The following IFT80 variants were observed in gnomAD, a reference collection of about 807,000 sequenced individuals.
IFT80 encodes intraflagellar transport 80.
A neutral mutation model predicts 107.9 loss-of-function variants in IFT80; 79 were observed. That is an observed-to-expected ratio of 0.73 (90% CI 0.61 to 0.88). IFT80 has a LOEUF of 0.88. Ranked by LOEUF, IFT80 falls within the 40% of genes least tolerant of loss-of-function variation. The pLI is 0.00. For missense variants in IFT80, 797 were observed against 914.2 expected (o/e 0.87, Z 1.65); for synonymous variants, 299 against 300.9 (o/e 0.99, Z 0.07).
chr3:160,359,012 C>A (rs1021237483), intron 6 of IFT80, among the ~76,000 whole-genome samples: 4 of 152,100 alleles, frequency 2.6e-5, no homozygotes, highest in African/African-American at 9.7e-5. Flanking sequence ...GTTGAGAAGG[C>A]CTTAAAAGAC....
At chr3:160,383,099 A>T (rs1559972332) in intron 2 of IFT80, among the ~76,000 whole-genome samples, 1 of 152,234 alleles carries the variant, frequency 6.6e-6, no homozygotes, top group Non-Finnish European at 1.5e-5. Context: ...TACACATCTC[A>T]AACCAAAAAT....
At chr3:160,357,995 CTTAT>C (rs142057545) in intron 6 of IFT80, among the ~76,000 whole-genome samples, 6,869 of 152,000 alleles carry the variant, frequency 0.045, 217 homozygotes, top group Middle Eastern at 0.078. Context: ...TGCTTGTTTA[CTTAT>C]TTATTTTATT....
In IFT80 at chr3:160,300,336, G is replaced by A. The variant is rs142395872; in HGVS notation, c.1315+547C>T. 2.7e-3 allele frequency among the ~76,000 whole-genome samples: 408 copies of A among 152,016 alleles called. 2 individuals carry two copies. Among genetic ancestry groups the A allele is most frequent in the South Asian group, 0.015 (72 of 4,820 alleles). On this transcript the variant is annotated intron_variant, in intron 12 of 19. Coordinates refer to ENST00000326448, the MANE Select transcript of IFT80 (RefSeq NM_020800.3). ...TGATACACATATGCCCTAATAAAAC[G>A]GTTTCATTGTACTATGTAACCCAAA...
At chr3:160,265,622 A>C (rs1188934398) in intron 19 of IFT80, among the ~76,000 whole-genome samples, 2 of 152,222 alleles carry the variant, frequency 1.3e-5, no homozygotes, top group African/African-American at 4.8e-5. Context: ...GTTGGAAAAC[A>C]GTACTCCTTG....
intron 12 of IFT80, among the ~76,000 whole-genome samples, chr3:160,290,053 C>A (rs146986718): frequency 6.6e-6 from 1 of 152,072 alleles, no homozygotes; most frequent in Non-Finnish European, 1.5e-5. Flanking sequence ...GCTGTGTCTC[C>A]TTTACCTGAA....
At chr3:160,269,099 C>T (rs964842458) in intron 18 of IFT80, among the ~76,000 whole-genome samples, 1 of 151,896 alleles carries the variant, frequency 6.6e-6, no homozygotes, top group Non-Finnish European at 1.5e-5. Context: ...CGTGGTGGTA[C>T]ATGCCTGTAA....
chr3:160,378,724 A>T (rs1712233625), intron 3 of IFT80, among the ~76,000 whole-genome samples: 1 of 152,042 alleles, frequency 6.6e-6, no homozygotes, highest in Non-Finnish European at 1.5e-5. Flanking sequence ...ATCAAAATTT[A>T]AAAATGATAA....
At chr3:160,263,923 G>A (rs567236506) in intron 19 of IFT80, among the ~76,000 whole-genome samples, 1 of 152,062 alleles carries the variant, frequency 6.6e-6, no homozygotes, top group Non-Finnish European at 1.5e-5. Context: ...TGCCCACCTC[G>A]GCCTCCCAAA....
intron 8 of IFT80, among the ~76,000 whole-genome samples, chr3:160,321,353 A>C (rs995223708): frequency 6.6e-6 from 1 of 152,028 alleles, no homozygotes; most frequent in African/African-American, 2.4e-5. Flanking sequence ...ATGACAAATA[A>C]GACTTGATAT....
intron 12 of IFT80, among the ~76,000 whole-genome samples, chr3:160,297,022 G>C (rs184692831): frequency 6.6e-6 from 1 of 152,154 alleles, no homozygotes; most frequent in East Asian, 1.9e-4. Context: ...TAATTATACA[G>C]CATCAATCAC....
intron 5 of IFT80, among the ~76,000 whole-genome samples, chr3:160,372,830 T>C (rs1711632904): frequency 6.6e-6 from 1 of 152,122 alleles, no homozygotes; most frequent in East Asian, 1.9e-4. Context: ...CATAAGAAAA[T>C]CAACTGTATT....
chr3:160,288,713 A>T (rs1715298652), intron 12 of IFT80, among the ~76,000 whole-genome samples: 1 of 152,220 alleles, frequency 6.6e-6, no homozygotes, highest in Admixed American at 6.5e-5. Context: ...GTGGCCAACA[A>T]ACATATGAAC....
At chr3:160,342,349 G>A (rs1236303379) in intron 8 of IFT80, among the ~76,000 whole-genome samples, 4 of 152,022 alleles carry the variant, frequency 2.6e-5, no homozygotes, top group Non-Finnish European at 5.9e-5. Context: ...ACAATATAGA[G>A]AATAACAATT....
chr3:160,344,625 A>G (rs903818262), intron 8 of IFT80, among the ~76,000 whole-genome samples: 1 of 152,200 alleles, frequency 6.6e-6, no homozygotes, highest in African/African-American at 2.4e-5. Flanking sequence ...TCTGTACAGC[A>G]GAGGAGACAA....
intron 5 of IFT80, among the ~76,000 whole-genome samples, chr3:160,368,222 T>A (rs1722001052): frequency 1.3e-5 from 2 of 151,926 alleles, no homozygotes; most frequent in Admixed American, 6.6e-5. Context: ...ACTGAATAAA[T>A]TTCAGTAAGA....
intron 3 of IFT80, among the ~76,000 whole-genome samples, chr3:160,381,228 C>A (rs564936882): frequency 3.8e-5 from 3 of 78,060 alleles, no homozygotes; most frequent in African/African-American, 1.2e-4. Flanking sequence ...CAGAGTGAGA[C>A]CCCATCTCTA....
At chr3:160,261,956 A>G (rs1441160508) in intron 19 of IFT80, among the ~76,000 whole-genome samples, 1 of 152,134 alleles carries the variant, frequency 6.6e-6, no homozygotes, top group African/African-American at 2.4e-5. Flanking sequence ...AAAATCTCTC[A>G]AGACTGTATA....
chr3:160,273,052 G>A (rs1438107051), intron 18 of IFT80, among the ~76,000 whole-genome samples: 1 of 152,056 alleles, frequency 6.6e-6, no homozygotes. Flanking sequence ...CCCATCTCAC[G>A]GATACCAAGC....
intron 1 of IFT80, among the ~76,000 whole-genome samples, chr3:160,385,568 C>A (rs1446689689): frequency 1.3e-5 from 2 of 152,176 alleles, no homozygotes; most frequent in Non-Finnish European, 2.9e-5. Context: ...AATCCAAGAA[C>A]CTTTAGATCA....
Sources: allele counts gnomAD v4.1 joint callset (sites outside exome capture counted in the v4.1 genomes callset), GRCh38; gene constraint gnomAD v4.1.1; transcripts MANE v1.5; gene names NCBI Gene and HGNC (gene_info 2026-07-23, HGNC 2026-07-21).